MTR: variants seen among roughly 807,000 people sequenced by gnomAD.
MTR encodes 5-methyltetrahydrofolate-homocysteine methyltransferase.
In MTR, 84 loss-of-function variants were observed where a neutral mutation model predicts 154.8. The ratio of observed to expected loss-of-function variants is 0.54; its 90% CI spans 0.45 to 0.65. The LOEUF is 0.65. MTR is among the 30% of genes least tolerant of loss of function. The pLI is 0.00. For synonymous variants in MTR, 554 were observed against 553.9 expected (o/e 1.00, Z 0.00); for missense variants, 1,275 against 1,570.2 (o/e 0.81, Z 3.18).
At chr1:236,841,149 A>G (rs531476674) in intron 15 of MTR, among the ~76,000 whole-genome samples, 18 of 152,274 alleles carry the variant, frequency 1.2e-4, no homozygotes, top group Admixed American at 9.8e-4. Flanking sequence ...TTCCAGTTTT[A>G]GTTTTTATTT....
chr1:236,835,559 G>A lies in MTR; in HGVS notation c.1201G>A (p.Val401Ile). The A allele has an allele frequency of 6.2e-7, 1 of 1,612,104 alleles. No homozygotes were observed. Among genetic ancestry groups the A allele is most frequent in the Non-Finnish European group, 8.5e-7 (1 of 1,179,712 alleles). The change falls in exon 14 of 33, where the codon GTT becomes ATT. Residue 401 changes from valine to isoleucine, a missense_variant. Val to Ile is a conservative substitution (Grantham distance 29). Transcript: ENST00000366577. The part of the protein sequence containing the change: ...MAGNYEEALC[V>I]AKVQVEMGAQ... ...ATTCTTCCTTCAGGAAGCCTTGTGT[G>A]TTGCCAAAGTGCAGGTGGAAATGGG...
chr1:236,835,713 G>C (rs777921537), intron 14 of MTR, 26 bp downstream of exon 14: 3 of 1,613,430 alleles, frequency 1.9e-6, no homozygotes, highest in Non-Finnish European at 2.5e-6. Flanking sequence ...TGTTTATCAG[G>C]GGGATTTACT....
In MTR at chr1:236,863,559, G is replaced by A; in HGVS notation, c.2405+5G>A. ...CCTTGGCTGCAATAATTTCCGGTAA[G>A]TTAGGACCTCACCTCTTTCAACCCC... On this transcript the variant is annotated splice_donor_5th_base_variant and intron_variant, in intron 22 of 32. Coordinates refer to ENST00000366577, the MANE Select transcript of MTR (RefSeq NM_000254.3). 1 of 1,611,910 alleles carries A rather than the reference G, an allele frequency of 6.2e-7. No homozygotes were observed.
rs201229491 is a variant in MTR, at chr1:236,816,585, G to A, written c.764+42G>A. 76 of 1,545,724 alleles carry A rather than the reference G, an allele frequency of 4.9e-5. No individual in the cohort carries two copies. In the East Asian group the frequency reaches 1.6e-3, roughly 33 times the overall value. ...TCTGTAACTTCTTTTCTTTTTTGGGGAACCTTTTCTGATGGCTGTGGAGTG... is the reference window on the plus strand; with the variant it reads ...TCTGTAACTTCTTTTCTTTTTTGGGAAACCTTTTCTGATGGCTGTGGAGTG... On this transcript the variant is annotated intron_variant, in intron 8 of 32. Coordinates refer to ENST00000366577, the MANE Select transcript of MTR (RefSeq NM_000254.3).
At chr1:236,895,176 C>T (rs1666552294) in intron 30 of MTR, 182 bp from the exon 31 acceptor site, 1 of 714,618 alleles carries the variant, frequency 1.4e-6, no homozygotes, top group Non-Finnish European at 2.4e-6. Flanking sequence ...AGCTGCAGAG[C>T]AGCAGCTGAT....
In MTR at chr1:236,825,411, C is replaced by G; in HGVS notation, c.927+12C>G. On this transcript the variant is annotated intron_variant, in intron 10 of 32. Coordinates refer to ENST00000366577, the MANE Select transcript of MTR (RefSeq NM_000254.3). Reference sequence around the variant, plus strand: ...CCAAGCACCTAAAGGTCAGGGGTCCCCCTTTCACTGGCTTTTTAAGAGAGA... The same window carrying G: ...CCAAGCACCTAAAGGTCAGGGGTCCGCCTTTCACTGGCTTTTTAAGAGAGA... 6.2e-7 allele frequency: 1 copy of G among 1,605,364 alleles called. No homozygotes were observed. The highest frequency in any genetic ancestry group is 8.5e-7 in the Non-Finnish European group (1 of 1,172,220).
chr1:236,818,358 T>G (rs1255427694), intron 8 of MTR, among the ~76,000 whole-genome samples: 1 of 152,226 alleles, frequency 6.6e-6, no homozygotes, highest in Non-Finnish European at 1.5e-5. Context: ...TGTGTTGTCC[T>G]GGGTGTCACT....
Position 236,902,465 on chromosome 1 carries a change from G to A in MTR, c.*4821G>A, listed in dbSNP as rs1467947207. 1 of 152,138 alleles carries A rather than the reference G, an allele frequency of 6.6e-6. No individual in the cohort carries two copies. Among genetic ancestry groups the A allele is most frequent in the African/African-American group, 2.4e-5 (1 of 41,426 alleles). 9.4% of individuals were successfully genotyped at this position (152,138 alleles called of 1,614,324 possible). On this transcript the variant is annotated 3_prime_UTR_variant, in exon 33 of 33. Transcript: ENST00000366577. Reference sequence around the variant, plus strand: ...TTGGAACCTTACTCATCTTTATATGGCGTCTAAAATAGTGCTTGCTTTATG... The same window carrying A: ...TTGGAACCTTACTCATCTTTATATGACGTCTAAAATAGTGCTTGCTTTATG...
Position 236,795,502 on chromosome 1 carries a change from G to A in MTR, c.-202G>A. On this transcript the variant is annotated 5_prime_UTR_variant, in exon 1 of 33. Coordinates refer to ENST00000366577, the MANE Select transcript of MTR (RefSeq NM_000254.3). ...CGTGCTCCAGCAGTTGCCGCGCCCA[G>A]CCCCGAGAGAGGCCCTAGGGCGCTG... 6.6e-7 allele frequency: 1 copy of A among 1,521,510 alleles called. No individual in the cohort carries two copies. The highest frequency in any genetic ancestry group is 1.4e-5 in the African/African-American group (1 of 72,804). 94.3% of individuals were successfully genotyped at this position (1,521,510 alleles called of 1,614,324 possible).
chr1:236,890,367 G>T (rs998154137), intron 28 of MTR, among the ~76,000 whole-genome samples: 1 of 152,174 alleles, frequency 6.6e-6, no homozygotes, highest in Non-Finnish European at 1.5e-5. Flanking sequence ...CCCACTGCAG[G>T]TCCGGGAGCA....
chr1:236,886,673 C>T (rs1056302548), intron 27 of MTR, among the ~76,000 whole-genome samples: 1 of 152,158 alleles, frequency 6.6e-6, no homozygotes, highest in Non-Finnish European at 1.5e-5. Context: ...TGGGTGGAAA[C>T]TTGAAAGGTT....
chr1:236,822,093 A>T (rs1286332660), intron 8 of MTR, among the ~76,000 whole-genome samples: 1 of 152,194 alleles, frequency 6.6e-6, no homozygotes. Flanking sequence ...TTCACAAAGT[A>T]ACTGCTGGGA....
intron 15 of MTR, among the ~76,000 whole-genome samples, chr1:236,846,364 A>G (rs534104749): frequency 4.5e-4 from 68 of 150,948 alleles, no homozygotes; most frequent in Non-Finnish European, 7.9e-4. Context: ...GAAGTGTCTT[A>G]GAAATATAAT....
chr1:236,821,248 T>G (rs10925239), intron 8 of MTR, among the ~76,000 whole-genome samples: 71,932 of 151,484 alleles, frequency 0.47, 18,915 homozygotes, highest in Non-Finnish European at 0.59. Context: ...CAAGAGACTG[T>G]TTTGCTTTAT....
In MTR at chr1:236,863,326, G is replaced by A. The variant is rs1301214876; in HGVS notation, c.2305-128G>A. On this transcript the variant is annotated intron_variant, in intron 21 of 32. Coordinates refer to ENST00000366577, the MANE Select transcript of MTR (RefSeq NM_000254.3). ...TGAACTGTTTGGGCTTCGGTTTCCA[G>A]GTCTGTCTTTGAGGTGCTCTTGGTT... The A allele has an allele frequency of 7.6e-6, 6 of 791,162 alleles. No homozygotes were observed. The East Asian group carries it at 1.6e-4, about 21-fold the overall frequency. The allele number at this position is 791,162 out of a possible 1,614,324, so 49.0% of individuals were successfully genotyped here. A position where few individuals can be genotyped will look rare whatever the true frequency, so the allele number is the denominator to read the frequency against.
At position 236,831,957 on chromosome 1, in the gene MTR, C is replaced by T. The variant is rs756435866; in HGVS notation, c.1076-9C>T. Reference sequence around the variant, plus strand: ...TGCAGAAATTTTTCAAAATGCTTCTCCTTTTAAGGTCTAGAGCCCTTCAGG... The same window carrying T: ...TGCAGAAATTTTTCAAAATGCTTCTTCTTTTAAGGTCTAGAGCCCTTCAGG... On this transcript the variant is annotated splice_polypyrimidine_tract_variant and intron_variant, in intron 12 of 32. Transcript: ENST00000366577. 6 of 1,610,322 alleles carry T rather than the reference C, an allele frequency of 3.7e-6. No individual in the cohort carries two copies. Among genetic ancestry groups the T allele is most frequent in the South Asian group, 3.3e-5 (3 of 91,002 alleles).
At chr1:236,868,838 G>A (rs983481922) in intron 22 of MTR, among the ~76,000 whole-genome samples, 6 of 152,200 alleles carry the variant, frequency 3.9e-5, no homozygotes, top group Non-Finnish European at 8.8e-5. Context: ...GAACATGATT[G>A]TACCTAAGTC....
intron 18 of MTR, 41 bp downstream of exon 18, chr1:236,853,129 T>C (rs1199988542): frequency 1.9e-6 from 3 of 1,600,304 alleles, no homozygotes. Flanking sequence ...TTTTCCTATC[T>C]TTGAATGTAT....
At chr1:236,857,891 A>G (rs1025125289) in intron 18 of MTR, among the ~76,000 whole-genome samples, 1 of 152,194 alleles carries the variant, frequency 6.6e-6, no homozygotes, top group Non-Finnish European at 1.5e-5. Context: ...GGCCAGGCCA[A>G]GGTTTGGGGG....
Sources: allele counts gnomAD v4.1 joint callset (sites outside exome capture counted in the v4.1 genomes callset), GRCh38; gene constraint gnomAD v4.1.1; transcripts MANE v1.5; gene names NCBI Gene and HGNC (gene_info 2026-07-23, HGNC 2026-07-21).